The following TESK1 variants were observed in gnomAD, a reference collection of about 807,000 sequenced individuals.
The protein encoded by TESK1 is dual specificity testis-specific protein kinase 1.
Under a neutral mutation model 59.9 loss-of-function variants are expected in TESK1, and 18 were observed. That is an observed-to-expected ratio of 0.30 (90% CI 0.21 to 0.45). The LOEUF is 0.45. Among genes scored for constraint, TESK1 ranks in the 20% least tolerant of loss-of-function variants. The pLI, the probability that TESK1 is intolerant of heterozygous loss-of-function variation, is 1.00. For synonymous variants in TESK1, 341 were observed against 357.4 expected (o/e 0.95, Z 0.52); for missense variants, 748 against 840.9 (o/e 0.89, Z 1.37).
In TESK1 at chr9:35,609,570, G is replaced by A. The variant is rs781482575; in HGVS notation, c.1709G>A (p.Gly570Asp). Residue 570 changes from glycine (G) to aspartate (D), a missense_variant, in exon 10 of 10, where the codon GGC becomes GAC. By Grantham distance (94) the Gly-to-Asp change is moderately conservative. Around this residue, in one of 3 missense-constraint regions of TESK1, gnomAD observed 447 missense variants for 466.1 expected, o/e 0.96. Transcript: ENST00000336395. This position sits in a 1 kb window ranked among gnomAD's most constrained non-coding sequence, Gnocchi z 6.7. Reference protein sequence around the residue: ...REPDEGLPCPGCCLGPFSFGF... With the variant: ...REPDEGLPCPDCCLGPFSFGF... Reference sequence around the variant, plus strand: ...CCCGATGAGGGGCTGCCCTGTCCTGGCTGCTGCCTCGGCCCCTTCAGCTTT... The same window carrying A: ...CCCGATGAGGGGCTGCCCTGTCCTGACTGCTGCCTCGGCCCCTTCAGCTTT... 1 of 1,613,642 alleles carries A rather than the reference G, an allele frequency of 6.2e-7. No homozygotes were observed. Among genetic ancestry groups the A allele is most frequent in the Admixed American group, 1.7e-5 (1 of 60,010 alleles).
chr9:35,609,145 T>C lies in TESK1; in HGVS notation c.1284T>C (p.Pro428=). ...LVTTPETLVQ[P]GTPARRCRSL... ...CCACTCCGGAGACCCTGGTCCAGCC[T>C]GGGACACCTGCCCGCCGCTGCCGCT... Residue 428 remains proline, a synonymous_variant, in exon 10 of 10, where the codon CCT becomes CCC. Coordinates refer to ENST00000336395, the MANE Select transcript of TESK1 (RefSeq NM_006285.3). The surrounding 1 kb of genome is among the most constrained non-coding windows in gnomAD (Gnocchi z 6.7). 6.2e-7 allele frequency: 1 copy of C among 1,613,782 alleles called. No individual in the cohort carries two copies. Among genetic ancestry groups the C allele is most frequent in the Non-Finnish European group, 8.5e-7 (1 of 1,180,008 alleles).
At position 35,607,532 on chromosome 9, in the gene TESK1, G is replaced by T. The variant is rs1822874155; in HGVS notation, c.621-50G>T. 6 of 1,585,728 alleles carry T rather than the reference G, an allele frequency of 3.8e-6. No individual in the cohort carries two copies. The highest frequency in any genetic ancestry group is 5.2e-6 in the Non-Finnish European group (6 of 1,154,874). Reference sequence around the variant, plus strand: ...TTCACCTCATCCCCTTTTGCCTGGGGGGGATGCCTGAATAGGATGCTTCTG... The same window carrying T: ...TTCACCTCATCCCCTTTTGCCTGGGTGGGATGCCTGAATAGGATGCTTCTG... On this transcript the variant is annotated intron_variant, in intron 5 of 9. Coordinates refer to ENST00000336395, the MANE Select transcript of TESK1 (RefSeq NM_006285.3). The surrounding 1 kb of genome is among the most constrained non-coding windows in gnomAD (Gnocchi z 4.5).
intron 3 of TESK1, 30 bp downstream of exon 3, chr9:35,606,315 C>T (rs1275732767): frequency 1.2e-6 from 2 of 1,612,258 alleles, no homozygotes; most frequent in Non-Finnish European, 1.7e-6. Context: ...GAGGGATCCC[C>T]ACCCCCCTTC....
Position 35,609,849 on chromosome 9 carries a change from T to G in TESK1, c.*107T>G. ...CAGTTCCAGATGGGCTGACCGGCTC[T>G]TCTCCCCGTGTAGGGGAGCCCCAGC... On this transcript the variant is annotated 3_prime_UTR_variant, in exon 10 of 10. Transcript: ENST00000336395. This position sits in a 1 kb window ranked among gnomAD's most constrained non-coding sequence, Gnocchi z 6.7. The G allele has an allele frequency of 3.0e-6, 4 of 1,327,118 alleles. No individual in the cohort carries two copies. The highest frequency in any genetic ancestry group is 4.0e-6 in the Non-Finnish European group (4 of 1,000,814). The allele number at this position is 1,327,118 out of a possible 1,614,324, so 82.2% of individuals were successfully genotyped here.
Position 35,607,527 on chromosome 9 carries a change from C to T in TESK1, c.621-55C>T. 1.3e-6 allele frequency: 2 copies of T among 1,582,628 alleles called. No individual in the cohort carries two copies. The highest frequency in any genetic ancestry group is 1.7e-6 in the Non-Finnish European group (2 of 1,151,968). ...GGGAGTTCACCTCATCCCCTTTTGC[C>T]TGGGGGGGATGCCTGAATAGGATGC... On this transcript the variant is annotated intron_variant, in intron 5 of 9. Transcript: ENST00000336395. This position sits in a 1 kb window ranked among gnomAD's most constrained non-coding sequence, Gnocchi z 4.5.
At position 35,609,440 on chromosome 9, in the gene TESK1, C is replaced by T; in HGVS notation, c.1579C>T (p.Gln527Ter). ...NPPAVVVNSP[Q>*]GWAGEPWNRA... The stretch of plus-strand genomic sequence containing the variant: ...CCCAGCTGTGGTGGTGAACTCCCCA[C>T]AAGGCTGGGCTGGGGAGCCCTGGAA... Residue 527 changes from glutamine (Q) to a stop codon, truncating the protein, a stop_gained, in exon 10 of 10, where the codon CAA (glutamine) becomes TAA (stop). Coordinates refer to ENST00000336395, the MANE Select transcript of TESK1 (RefSeq NM_006285.3). LOFTEE classifies it high-confidence loss of function. The surrounding 1 kb of genome is among the most constrained non-coding windows in gnomAD (Gnocchi z 6.7). 6.2e-7 allele frequency: 1 copy of T among 1,608,352 alleles called. No homozygotes were observed. Among genetic ancestry groups the T allele is most frequent in the Non-Finnish European group, 8.5e-7 (1 of 1,176,942 alleles).
Position 35,607,530 on chromosome 9 carries a change from G to C in TESK1, c.621-52G>C, listed in dbSNP as rs1241728137. On this transcript the variant is annotated intron_variant, in intron 5 of 9. Coordinates refer to ENST00000336395, the MANE Select transcript of TESK1 (RefSeq NM_006285.3). The surrounding 1 kb of genome is among the most constrained non-coding windows in gnomAD (Gnocchi z 4.5). ...AGTTCACCTCATCCCCTTTTGCCTG[G>C]GGGGGATGCCTGAATAGGATGCTTC... 6.3e-7 allele frequency: 1 copy of C among 1,579,014 alleles called. No individual in the cohort carries two copies. Among genetic ancestry groups the C allele is most frequent in the Non-Finnish European group, 8.7e-7 (1 of 1,148,866 alleles).
chr9:35,609,843 C>T lies in TESK1; in HGVS notation c.*101C>T, dbSNP rs955875404. 3.6e-5 allele frequency: 48 copies of T among 1,347,958 alleles called. No individual in the cohort carries two copies. Among genetic ancestry groups the T allele is most frequent in the African/African-American group, 1.2e-4 (8 of 68,112 alleles). 83.5% of individuals were successfully genotyped at this position (1,347,958 alleles called of 1,614,324 possible). ...CAGTGCCAGTTCCAGATGGGCTGAC[C>T]GGCTCTTCTCCCCGTGTAGGGGAGC... On this transcript the variant is annotated 3_prime_UTR_variant, in exon 10 of 10. Transcript: ENST00000336395. The surrounding 1 kb of genome is among the most constrained non-coding windows in gnomAD (Gnocchi z 6.7).
At position 35,608,454 on chromosome 9, in the gene TESK1, G is replaced by A. The variant is rs1427817975; in HGVS notation, c.945G>A (p.Leu315=). ...TTACCCAGCACCTGGAATGGATCCTGGAGCAGCTGCCTGAGCCAGCCCCAC... is the reference window on the plus strand; with the variant it reads ...TTACCCAGCACCTGGAATGGATCCTAGAGCAGCTGCCTGAGCCAGCCCCAC... ...TEITQHLEWI[L]EQLPEPAPLT... Residue 315 remains leucine, a synonymous_variant, in exon 9 of 10, where the codon CTG becomes CTA. Transcript: ENST00000336395. 11 of 1,614,070 alleles carry A rather than the reference G, an allele frequency of 6.8e-6. No individual in the cohort carries two copies. The highest frequency in any genetic ancestry group is 3.3e-5 in the South Asian group (3 of 91,090).
Position 35,606,895 on chromosome 9 carries a change from C to T in TESK1, c.449C>T (p.Pro150Leu), listed in dbSNP as rs370366379. 6.8e-6 allele frequency: 11 copies of T among 1,613,702 alleles called. No individual in the cohort carries two copies. The highest frequency in any genetic ancestry group is 1.3e-5 in the African/African-American group (1 of 74,872). ...LLSSPEPLSW[P>L]VRLHLALDIA... ...AGCTCCCCTGAACCCCTGTCCTGGC[C>T]GGTCAGGCTCCACCTGGCCCTGGAC... is the stretch of plus-strand genomic sequence containing the variant. The change falls in exon 4 of 10, where the codon CCG becomes CTG. Residue 150 changes from proline (P) to leucine (L), a missense_variant. Around this residue, in one of 3 missense-constraint regions of TESK1, gnomAD observed 168 missense variants for 257.4 expected, o/e 0.65. Transcript: ENST00000336395.
chr9:35,605,778 T>A lies in TESK1; in HGVS notation c.159T>A (p.Arg53=). The change falls in exon 1 of 10, where the codon CGT becomes CGA. Residue 53 remains arginine (R), a synonymous_variant. Coordinates refer to ENST00000336395, the MANE Select transcript of TESK1 (RefSeq NM_006285.3). The part of the protein sequence containing the change: ...ALRSAVSSLA[R]VDDFHCAEKI... ...GCAGCGCCGTGTCTAGCCTGGCGCG[T>A]GTGGACGATTTTCACTGCGCGGAGA... The A allele has an allele frequency of 6.2e-7, 1 of 1,610,264 alleles. No individual in the cohort carries two copies. Among genetic ancestry groups the A allele is most frequent in the South Asian group, 1.1e-5 (1 of 90,740 alleles).
In TESK1 at chr9:35,608,201, G is replaced by A; in HGVS notation, c.837G>A (p.Gly279=). The A allele has an allele frequency of 6.2e-7, 1 of 1,614,164 alleles. No individual in the cohort carries two copies. Among genetic ancestry groups the A allele is most frequent in the Non-Finnish European group, 8.5e-7 (1 of 1,180,036 alleles). The change falls in exon 8 of 10, where the codon GGG becomes GGA. Residue 279 remains glycine (G), a synonymous_variant. Coordinates refer to ENST00000336395, the MANE Select transcript of TESK1 (RefSeq NM_006285.3). The part of the protein sequence containing the change: ...LDVPAFRTLV[G]DDCPLPFLLL... ...TGCCTGCTTTCCGAACTCTGGTGGG[G>A]GATGACTGCCCACTGCCTTTCTTGC...
At position 35,607,229 on chromosome 9, in the gene TESK1, G is replaced by C; in HGVS notation, c.538-98G>C. ...AAAAACTGGGAGAGCAGAGAGGGTT[G>C]GAGTTATGCTGGAGTGACAGGGCTT... On this transcript the variant is annotated intron_variant, in intron 4 of 9. Coordinates refer to ENST00000336395, the MANE Select transcript of TESK1 (RefSeq NM_006285.3). The surrounding 1 kb of genome is among the most constrained non-coding windows in gnomAD (Gnocchi z 4.5). 6.8e-7 allele frequency: 1 copy of C among 1,475,990 alleles called. No homozygotes were observed. Among genetic ancestry groups the C allele is most frequent in the Non-Finnish European group, 9.4e-7 (1 of 1,058,836 alleles). The allele number at this position is 1,475,990 out of a possible 1,614,324, so 91.4% of individuals were successfully genotyped here.
In TESK1 at chr9:35,607,497, A is replaced by G; in HGVS notation, c.621-85A>G. 7.6e-6 allele frequency: 12 copies of G among 1,583,070 alleles called. No homozygotes were observed. Among genetic ancestry groups the G allele is most frequent in the Non-Finnish European group, 1.0e-5 (12 of 1,152,220 alleles). ...GCCCCAGGGATGTTTCCCTTGGGGA[A>G]CGGAGGGAGTTCACCTCATCCCCTT... is the stretch of plus-strand genomic sequence containing the variant. On this transcript the variant is annotated intron_variant, in intron 5 of 9. Transcript: ENST00000336395. This position sits in a 1 kb window ranked among gnomAD's most constrained non-coding sequence, Gnocchi z 4.5.
Position 35,607,070 on chromosome 9 carries a change from C to T in TESK1, c.537+87C>T. On this transcript the variant is annotated intron_variant, in intron 4 of 9. Transcript: ENST00000336395. The surrounding 1 kb of genome is among the most constrained non-coding windows in gnomAD (Gnocchi z 4.5). ...CCTGTGGATGTTGGAATATGGATAACAGATATATTAGGATGTTGGAGTGGC... is the reference window on the plus strand; with the variant it reads ...CCTGTGGATGTTGGAATATGGATAATAGATATATTAGGATGTTGGAGTGGC... 1 of 1,457,992 alleles carries T rather than the reference C, an allele frequency of 6.9e-7. No homozygotes were observed. The highest frequency in any genetic ancestry group is 1.4e-5 in the South Asian group (1 of 73,658). The allele number at this position is 1,457,992 out of a possible 1,614,324, so 90.3% of individuals were successfully genotyped here. A position where few individuals can be genotyped will look rare whatever the true frequency, so the allele number is the denominator to read the frequency against.
At position 35,607,125 on chromosome 9, in the gene TESK1, G is replaced by A; in HGVS notation, c.537+142G>A. ...CATTGGAGAATATTGGGGGACCAGG[G>A]TGAGGGGAGTGCTCGGAGGGACTGA... On this transcript the variant is annotated intron_variant, in intron 4 of 9. Coordinates refer to ENST00000336395, the MANE Select transcript of TESK1 (RefSeq NM_006285.3). This position sits in a 1 kb window ranked among gnomAD's most constrained non-coding sequence, Gnocchi z 4.5. 1.5e-6 allele frequency: 2 copies of A among 1,319,640 alleles called. No individual in the cohort carries two copies. Among genetic ancestry groups the A allele is most frequent in the East Asian group, 2.5e-5 (1 of 39,458 alleles). The allele number at this position is 1,319,640 out of a possible 1,614,324, so 81.7% of individuals were successfully genotyped here. A position where few individuals can be genotyped will look rare whatever the true frequency, so the allele number is the denominator to read the frequency against.
chr9:35,607,155 C>A lies in TESK1; in HGVS notation c.537+172C>A. ...GGGAGTGCTCGGAGGGACTGAGTAG[C>A]ACCCTGTGTTTGGAGTGTTGGATGA... On this transcript the variant is annotated intron_variant, in intron 4 of 9. Transcript: ENST00000336395. The surrounding 1 kb of genome is among the most constrained non-coding windows in gnomAD (Gnocchi z 4.5). 8.1e-7 allele frequency: 1 copy of A among 1,230,278 alleles called. No individual in the cohort carries two copies. The highest frequency in any genetic ancestry group is 1.1e-6 in the Non-Finnish European group (1 of 877,842). The allele number at this position is 1,230,278 out of a possible 1,614,324, so 76.2% of individuals were successfully genotyped here.
rs1363238907 is a variant in TESK1, at chr9:35,608,890, C to T, written c.1029C>T (p.Ala343=). ...CTGTTGCAAGAGGGGGTCCCTCTGC[C>T]ACGCTTCCCAGGCCAGATCCCCGGC... ...QGSVARGGPS[A]TLPRPDPRLS... The change falls in exon 10 of 10, where the codon GCC becomes GCT. Residue 343 remains alanine (A), a synonymous_variant. Transcript: ENST00000336395. 11 of 1,599,550 alleles carry T rather than the reference C, an allele frequency of 6.9e-6. No homozygotes were observed. Among genetic ancestry groups the T allele is most frequent in the Non-Finnish European group, 9.4e-6 (11 of 1,171,594 alleles).
At position 35,607,207 on chromosome 9, in the gene TESK1, A is replaced by T; in HGVS notation, c.538-120A>T. 2 of 1,401,590 alleles carry T rather than the reference A, an allele frequency of 1.4e-6. No homozygotes were observed. Among genetic ancestry groups the T allele is most frequent in the Non-Finnish European group, 2.0e-6 (2 of 1,001,224 alleles). The allele number at this position is 1,401,590 out of a possible 1,614,324, so 86.8% of individuals were successfully genotyped here. On this transcript the variant is annotated intron_variant, in intron 4 of 9. Transcript: ENST00000336395. This position sits in a 1 kb window ranked among gnomAD's most constrained non-coding sequence, Gnocchi z 4.5. Reference sequence around the variant, plus strand: ...GTTGCAATATTGAAGTGCCTTGAAAAACTGGGAGAGCAGAGAGGGTTGGAG... The same window carrying T: ...GTTGCAATATTGAAGTGCCTTGAAATACTGGGAGAGCAGAGAGGGTTGGAG...
Sources: allele counts gnomAD v4.1 joint callset, GRCh38; gene constraint gnomAD v4.1.1; regional missense constraint gnomAD v4.1.1; non-coding constraint Gnocchi (gnomAD v3.1); transcripts MANE v1.5; gene names NCBI Gene and HGNC (gene_info 2026-07-23, HGNC 2026-07-21).